The following ACYP2 variants were observed in gnomAD, a reference collection of about 807,000 sequenced individuals.
ACYP2 encodes the protein acylphosphatase-2.
Under a neutral mutation model 11.2 loss-of-function variants are expected in ACYP2, and 12 were observed. The ratio of observed to expected loss-of-function variants is 1.08; its 90% confidence interval spans 0.69 to 1.74. The LOEUF is 1.74. ACYP2 is among the 40% of genes most tolerant of loss of function. The probability of loss-of-function intolerance (pLI) is 0.00; values close to 1 mark genes in which losing one functional copy is unlikely to be tolerated. For synonymous variants in ACYP2, 43 were observed against 32.2 expected, an observed-to-expected ratio of 1.33 and a Z score of -1.13; for missense variants, 134 against 101.9, an observed-to-expected ratio of 1.31 and a Z score of -1.35.
chr2:54,267,508 G>A (rs528324800), intron 6 of ACYP2: 6 of 691,136 alleles, frequency 8.7e-6, no homozygotes, highest in Non-Finnish European at 1.3e-5. Flanking sequence ...TTGGGGGAAG[G>A]TTACTAGTGA....
At chr2:54,236,828 A>C (rs1349460579) in intron 6 of ACYP2, among the ~76,000 whole-genome samples, 2 of 152,196 alleles carry the variant, frequency 1.3e-5, no homozygotes, top group Non-Finnish European at 2.9e-5. Flanking sequence ...TTAATATATA[A>C]TTTTGAGCTA....
chr2:54,181,109 C>A (rs910908034), intron 6 of ACYP2, among the ~76,000 whole-genome samples: 1 of 152,196 alleles, frequency 6.6e-6, no homozygotes, highest in African/African-American at 2.4e-5. Flanking sequence ...TATCAAGAAA[C>A]TACTATGTTC....
chr2:54,072,005 T>C (rs1022830760), intron 4 of ACYP2, among the ~76,000 whole-genome samples: 1 of 152,078 alleles, frequency 6.6e-6, no homozygotes, highest in Admixed American at 6.6e-5. Context: ...AGCGAGACTC[T>C]GTCTCAAAAA....
At chr2:54,196,337 C>G (rs1410999934) in intron 6 of ACYP2, among the ~76,000 whole-genome samples, 1 of 152,068 alleles carries the variant, frequency 6.6e-6, no homozygotes, top group Non-Finnish European at 1.5e-5. Flanking sequence ...CTCAGCTTCC[C>G]GAGTAACTGG....
At chr2:54,262,635 T>C (rs1687829419) in intron 6 of ACYP2, among the ~76,000 whole-genome samples, 1 of 152,174 alleles carries the variant, frequency 6.6e-6, no homozygotes, top group Non-Finnish European at 1.5e-5. Context: ...TCTACACTGG[T>C]GGCAGAGAGG....
intron 6 of ACYP2, among the ~76,000 whole-genome samples, chr2:54,251,115 G>A (rs1687204577): frequency 6.6e-6 from 1 of 152,186 alleles, no homozygotes; most frequent in Non-Finnish European, 1.5e-5. Context: ...GTTTATAACT[G>A]AAAAACTGTG....
At chr2:54,067,322 T>C (rs760169115) in intron 4 of ACYP2, among the ~76,000 whole-genome samples, 1 of 152,202 alleles carries the variant, frequency 6.6e-6, no homozygotes, top group Non-Finnish European at 1.5e-5. Context: ...AGCATTGTCA[T>C]TGTATAAAAT....
chr2:54,273,643 T>G (rs1688414126), intron 6 of ACYP2, among the ~76,000 whole-genome samples: 3 of 152,142 alleles, frequency 2.0e-5, no homozygotes, highest in African/African-American at 7.2e-5. Context: ...TTTTTATATT[T>G]TTAGTAGAGA....
intron 4 of ACYP2, among the ~76,000 whole-genome samples, chr2:54,096,098 C>T (rs1175058518): frequency 2.2e-5 from 3 of 138,376 alleles, no homozygotes; most frequent in East Asian, 2.2e-4. Flanking sequence ...GGGGCGGAGA[C>T]GCTCCTCACT....
rs1035563943 is a variant in ACYP2, at chr2:54,289,922, C to T, written c.405-14766C>T. On this transcript the variant is annotated intron_variant, in intron 6 of 6. Transcript: ENST00000607452. Reference sequence around the variant, plus strand: ...CCACATGTAGTATGCTCAATACAGCCGGTGTCTAATACACAGCCAAACAGT... The same window carrying T: ...CCACATGTAGTATGCTCAATACAGCTGGTGTCTAATACACAGCCAAACAGT... Among the ~76,000 whole-genome samples the T allele has an allele frequency of 2.6e-5, 4 of 152,006 alleles. 1 individual carries two copies. The highest frequency in any genetic ancestry group is 9.7e-5 in the African/African-American group (4 of 41,256).
chr2:54,196,751 TG>T (rs61380707), intron 6 of ACYP2, among the ~76,000 whole-genome samples: 53,639 of 152,090 alleles, frequency 0.35, 10,556 homozygotes, highest in African/African-American at 0.53. Flanking sequence ...CTCCATATAT[TG>T]GTCACATCCC....
rs1033624246 is a variant in ACYP2, at chr2:54,218,343, A to G, written c.404+79595A>G. On this transcript the variant is annotated intron_variant, in intron 6 of 6. Transcript: ENST00000607452. ...TGGTCCCTCTGCTGGTGTGCTACAT[A>G]TATATTGTATACCTGTGCTTAGTAA... Among the ~76,000 whole-genome samples, 10 of 152,286 alleles carry G rather than the reference A, an allele frequency of 6.6e-5. No individual in the cohort carries two copies. The South Asian group carries it at 2.1e-3, about 32-fold the overall frequency.
chr2:54,184,868 CAA>C (rs1683902517), intron 6 of ACYP2, among the ~76,000 whole-genome samples: 1 of 142,858 alleles, frequency 7.0e-6, no homozygotes, highest in Non-Finnish European at 1.5e-5. Context: ...TTTTTGGAGA[CAA>C]GAGTTTCACT....
intron 6 of ACYP2, among the ~76,000 whole-genome samples, chr2:54,146,987 G>A (rs1042584803): frequency 6.6e-6 from 1 of 151,752 alleles, no homozygotes; most frequent in Non-Finnish European, 1.5e-5. Flanking sequence ...TAGAGATGGA[G>A]GTTTCACCAT....
At chr2:54,218,549 G>A (rs1024425547) in intron 6 of ACYP2, among the ~76,000 whole-genome samples, 4 of 152,138 alleles carry the variant, frequency 2.6e-5, no homozygotes, top group South Asian at 2.1e-4. Context: ...CATAAAAGTC[G>A]TGTTAAGATG....
chr2:53,973,369 C>G (rs183142261), intron 1 of ACYP2, among the ~76,000 whole-genome samples: 1 of 152,272 alleles, frequency 6.6e-6, no homozygotes, highest in Non-Finnish European at 1.5e-5. Context: ...GCTAAGCCAT[C>G]ATATCCCCAG....
chr2:54,194,937 G>T (rs1216642157), intron 6 of ACYP2, among the ~76,000 whole-genome samples: 1 of 152,158 alleles, frequency 6.6e-6, no homozygotes, highest in Admixed American at 6.5e-5. Flanking sequence ...TTAGGATGTT[G>T]TGTTTTCTGA....
At chr2:54,187,092 G>A (rs914319452) in intron 6 of ACYP2, among the ~76,000 whole-genome samples, 13 of 151,992 alleles carry the variant, frequency 8.6e-5, no homozygotes, top group South Asian at 2.1e-4. Context: ...TTCTTCACAC[G>A]TCAGGAAGAA....
intron 2 of ACYP2, among the ~76,000 whole-genome samples, chr2:54,028,882 G>A (rs1456518018): frequency 2.0e-5 from 3 of 152,130 alleles, no homozygotes; most frequent in Admixed American, 1.3e-4. Flanking sequence ...AATCTTGCTC[G>A]GCACAGTGGT....
Sources: gnomAD v4.1 joint callset for allele counts (sites outside exome capture counted in the v4.1 genomes callset) on GRCh38, gnomAD v4.1.1 for gene constraint, MANE v1.5 for transcripts, NCBI Gene and HGNC (gene_info 2026-07-23, HGNC 2026-07-21) for gene names.